Variants in EHBP1L1 observed in about 807,000 individuals in gnomAD.
EHBP1L1 encodes EH domain binding protein 1 like 1, also known as EH domain-binding protein 1-like protein 1.
EHBP1L1 carries 122 observed loss-of-function variants against 151.1 expected under a neutral mutation model. The ratio of observed to expected loss-of-function variants is 0.81; its 90% CI spans 0.70 to 0.94. EHBP1L1 has a LOEUF of 0.94. EHBP1L1 is among the 40% of genes least tolerant of loss of function. The pLI is 0.00. For missense variants in EHBP1L1, 1,941 were observed against 1,959.8 expected (o/e 0.99, Z 0.18); for synonymous variants, 878 against 810.1 (o/e 1.08, Z -1.42).
At position 65,591,773 on chromosome 11, in the gene EHBP1L1, CGCCACCCA is replaced by C; in HGVS notation, c.4284-26_4284-19del. ...CCCTTTTCCTGAACTGCCACCCCCC[CGCCACCCA>C]CCCCCCGCCACCTTCCAGCATGGAG... On this transcript the variant is annotated intron_variant, in intron 16 of 18. Transcript: ENST00000309295. 1 of 1,093,502 alleles carries C rather than the reference CGCCACCCA, an allele frequency of 9.1e-7. No homozygotes were observed. The highest frequency in any genetic ancestry group is 1.4e-6 in the Non-Finnish European group (1 of 734,602). The allele number at this position is 1,093,502 out of a possible 1,614,324, so 67.7% of individuals were successfully genotyped here. A position where few individuals can be genotyped will look rare whatever the true frequency, so the allele number is the denominator to read the frequency against.
chr11:65,584,569 A>G, intron 11 of EHBP1L1, 35 bp downstream of exon 11: 1 of 1,600,424 alleles, frequency 6.2e-7, no homozygotes, highest in South Asian at 1.1e-5. Flanking sequence ...GGAGGGAAGG[A>G]GGGTCTGGAG....
At chr11:65,578,517 T>C (rs1239370722) in intron 1 of EHBP1L1, among the ~76,000 whole-genome samples, 1 of 152,140 alleles carries the variant, frequency 6.6e-6, no homozygotes, top group Non-Finnish European at 1.5e-5. Context: ...TGGAGTTCGC[T>C]TGTTAATTTA....
Position 65,585,281 on chromosome 11 carries a change from C to T in EHBP1L1, c.3623C>T (p.Ala1208Val), listed in dbSNP as rs1857901428. The change falls in exon 12 of 19, where the codon GCC becomes GTC. Residue 1208 changes from alanine (A) to valine (V), a missense_variant. Physicochemically the swap from Ala to Val is moderately conservative, Grantham distance 64 (BLOSUM62 0). Transcript: ENST00000309295. The surrounding 1 kb of genome is among the most constrained non-coding windows in gnomAD (Gnocchi z 4.0). ...DRADGAAPGV[A>V]SRNAVAGRAS... ...GCAGACGGGGCGGCCCCGGGGGTGG[C>T]CTCCAGGAACGCGGTCGCGGGCCGC... is the stretch of plus-strand genomic sequence containing the variant. The T allele has an allele frequency of 3.7e-6, 4 of 1,078,342 alleles. No homozygotes were observed. The highest frequency in any genetic ancestry group is 4.5e-6 in the Non-Finnish European group (4 of 889,564). The allele number at this position is 1,078,342 out of a possible 1,614,324, so 66.8% of individuals were successfully genotyped here.
At position 65,585,210 on chromosome 11, in the gene EHBP1L1, T is replaced by A; in HGVS notation, c.3552T>A (p.Gly1184=). The A allele has an allele frequency of 8.6e-7, 1 of 1,161,948 alleles. No homozygotes were observed. Among genetic ancestry groups the A allele is most frequent in the African/African-American group, 1.7e-5 (1 of 59,668 alleles). 72.0% of individuals were successfully genotyped at this position (1,161,948 alleles called of 1,614,324 possible). The change falls in exon 12 of 19, where the codon GGT becomes GGA. Residue 1184 remains glycine (G), a synonymous_variant. Coordinates refer to ENST00000309295, the MANE Select transcript of EHBP1L1 (RefSeq NM_001099409.3). This position sits in a 1 kb window ranked among gnomAD's most constrained non-coding sequence, Gnocchi z 4.0. ...GAGGCCTGGCGCAGCGGCTGCGCGG[T>A]CACGGGGCCGAGGGGCCCCAGGAGC... ...DAGGLAQRLR[G]HGAEGPQEPK...
chr11:65,585,524 G>A lies in EHBP1L1; in HGVS notation c.3866G>A (p.Arg1289Gln). 6.4e-7 allele frequency: 1 copy of A among 1,572,564 alleles called. No individual in the cohort carries two copies. Among genetic ancestry groups the A allele is most frequent in the Non-Finnish European group, 8.6e-7 (1 of 1,166,656 alleles). The change falls in exon 12 of 19, where the codon CGG (arginine) becomes CAG (glutamine). Residue 1289 changes from arginine to glutamine, a missense_variant. Physicochemically the swap from Arg to Gln is conservative, Grantham distance 43. Coordinates refer to ENST00000309295, the MANE Select transcript of EHBP1L1 (RefSeq NM_001099409.3). The surrounding 1 kb of genome is among the most constrained non-coding windows in gnomAD (Gnocchi z 4.0). ...GACCTGCTCAAGAAGAGGCGCTCGC[G>A]GCTGCGGAACAGCAGCTCGTTCTCG... ...DADLLKKRRS[R>Q]LRNSSSFSMD...
In EHBP1L1 at chr11:65,584,614, G is replaced by A. The variant is rs1857834622; in HGVS notation, c.3300+80G>A. On this transcript the variant is annotated intron_variant, in intron 11 of 18. Transcript: ENST00000309295. ...CTCAGTGTCAGATTTGGAGAAAGTG[G>A]ACTGCCGGGCCCAGCAGTGGCTTCT... 5 of 1,546,936 alleles carry A rather than the reference G, an allele frequency of 3.2e-6. No homozygotes were observed. In the East Asian group the frequency reaches 1.2e-4, roughly 37 times the overall value.
intron 15 of EHBP1L1, 74 bp from the exon 16 acceptor site, chr11:65,590,419 T>TC: frequency 6.4e-7 from 1 of 1,556,508 alleles, no homozygotes; most frequent in Non-Finnish European, 8.7e-7. Context: ...GCAAACCCCC[T>TC]CCCCCAACCC....
intron 8 of EHBP1L1, 32 bp from the exon 9 acceptor site, chr11:65,581,507 C>A: frequency 2.1e-6 from 3 of 1,426,814 alleles, no homozygotes; most frequent in East Asian, 2.5e-5. Context: ...GCCAAAGCAG[C>A]CCCCCAACTC....
In EHBP1L1 at chr11:65,582,926, C is replaced by T. The variant is rs1857705324; in HGVS notation, c.2254C>T (p.Gln752Ter). The change falls in exon 9 of 19, where the codon CAG becomes TAG. Residue 752 changes from glutamine to a stop codon, truncating the protein, a stop_gained. Coordinates refer to ENST00000309295, the MANE Select transcript of EHBP1L1 (RefSeq NM_001099409.3). LOFTEE classifies it high-confidence loss of function. ...AGCAGAGTCTGACATATTGGTAGCC[C>T]AGGAGATAGAGGTGGGACTTTTGGG... ...EIAESDILVAQEIEVGLLGVL... is the reference protein window; with the variant it reads ...EIAESDILVA The T allele has an allele frequency of 6.2e-7, 1 of 1,613,190 alleles. No individual in the cohort carries two copies. The highest frequency in any genetic ancestry group is 1.1e-5 in the South Asian group (1 of 91,064).
intron 11 of EHBP1L1, 130 bp downstream of exon 11, chr11:65,584,664 T>C (rs1001087017): frequency 1.6e-6 from 2 of 1,233,612 alleles, no homozygotes; most frequent in Non-Finnish European, 2.3e-6. Context: ...TTTTTACCCC[T>C]TTGGTCATTA....
At chr11:65,588,844 C>T (rs1858109549) in intron 12 of EHBP1L1, among the ~76,000 whole-genome samples, 1 of 152,232 alleles carries the variant, frequency 6.6e-6, no homozygotes, top group Non-Finnish European at 1.5e-5. Context: ...AGCAGCCGCT[C>T]CTGGGTGTGG....
rs370785618 is a variant in EHBP1L1 at position 65,579,129 on chromosome 11, C to T, written c.156C>T (p.Cys52=). ...GGACCCGTCGGAACCGACGCATCTG[C>T]TCCAAGGTGGGGAAGGATGGCAACT... ...VVWTRRNRRI[C]SKAHSWQPGI... The change falls in exon 2 of 19, where the codon TGC becomes TGT. Residue 52 remains cysteine, a synonymous_variant. Coordinates refer to ENST00000309295, the MANE Select transcript of EHBP1L1 (RefSeq NM_001099409.3). 5.4e-4 allele frequency: 863 copies of T among 1,593,922 alleles called. 2 individuals carry two copies. The highest frequency in any genetic ancestry group is 4.3e-3 in the Middle Eastern group (26 of 6,030).
chr11:65,578,681 C>T (rs778639215), intron 1 of EHBP1L1, among the ~76,000 whole-genome samples: 5 of 152,228 alleles, frequency 3.3e-5, no homozygotes, highest in East Asian at 1.9e-4. Context: ...TTTTATCCCT[C>T]GTCTTTGTCT....
chr11:65,579,803 G>C, intron 3 of EHBP1L1, 133 bp from the exon 4 acceptor site: 1 of 943,774 alleles, frequency 1.1e-6, no homozygotes, highest in Non-Finnish European at 1.6e-6. Flanking sequence ...CTCCAGCCTC[G>C]ACGACAGAGG....
At position 65,581,659 on chromosome 11, in the gene EHBP1L1, G is replaced by A; in HGVS notation, c.987G>A (p.Gly329=). 1 of 1,562,320 alleles carries A rather than the reference G, an allele frequency of 6.4e-7. No homozygotes were observed. The highest frequency in any genetic ancestry group is 2.4e-5 in the East Asian group (1 of 42,006). ...AAGATGAGGTCCCCAAAGCCTCAGG[G>A]GCTCCTCCAGCAGGATTGGGCTCTG... ...QGEDEVPKAS[G]APPAGLGSAR... is the part of the protein sequence containing the mutation. The change falls in exon 9 of 19, where the codon GGG becomes GGA. Residue 329 remains glycine, a synonymous_variant. Transcript: ENST00000309295.
At position 65,576,282 on chromosome 11, in the gene EHBP1L1, G is replaced by C; in HGVS notation, c.-21G>C. 4.5e-6 allele frequency: 7 copies of C among 1,564,822 alleles called. No homozygotes were observed. The highest frequency in any genetic ancestry group is 6.0e-6 in the Non-Finnish European group (7 of 1,158,620). On this transcript the variant is annotated 5_prime_UTR_variant, in exon 1 of 19. Transcript: ENST00000309295. Reference sequence around the variant, plus strand: ...GCGGGAGCCCCGGGCCTGAGAAGTGGGCGGCGGGGTGGCGGGGGCCATGAC... The same window carrying C: ...GCGGGAGCCCCGGGCCTGAGAAGTGCGCGGCGGGGTGGCGGGGGCCATGAC...
At position 65,592,218 on chromosome 11, in the gene EHBP1L1, C is replaced by G; in HGVS notation, c.4488C>G (p.Asp1496Glu). 6.4e-7 allele frequency: 1 copy of G among 1,551,214 alleles called. No homozygotes were observed. Among genetic ancestry groups the G allele is most frequent in the Non-Finnish European group, 8.7e-7 (1 of 1,154,650 alleles). ...DHKERIALEE[D>E]ERLERGLEQR... ...TTCTCCCCAGCGCCCTGGAGGAGGA[C>G]GAGCGCCTGGAGCGCGGCCTGGAAC... Residue 1496 changes from aspartate to glutamate, a missense_variant, in exon 19 of 19, where the codon GAC becomes GAG. By Grantham distance (45) the Asp-to-Glu change is conservative. Coordinates refer to ENST00000309295, the MANE Select transcript of EHBP1L1 (RefSeq NM_001099409.3).
rs1858377921 is a variant in EHBP1L1, at chr11:65,592,322, C to T, written c.*20C>T. ...AGCTGAGGCCGCCGGCCCGGGTGGC[C>T]CATAACTTCTCGCGTCCCCGGCGTC... is the stretch of plus-strand genomic sequence containing the variant. On this transcript the variant is annotated 3_prime_UTR_variant, in exon 19 of 19. Transcript: ENST00000309295. The T allele has an allele frequency of 7.0e-7, 1 of 1,423,612 alleles. No homozygotes were observed. The highest frequency in any genetic ancestry group is 9.1e-7 in the Non-Finnish European group (1 of 1,098,394). The allele number at this position is 1,423,612 out of a possible 1,614,324, so 88.2% of individuals were successfully genotyped here.
chr11:65,581,958 G>T lies in EHBP1L1; in HGVS notation c.1286G>T (p.Arg429Met). ...GTTTGTCAAGTGGATGCTGAGCAGA[G>T]GTCAAAGGTGAGACATGTGGACACT... is the stretch of plus-strand genomic sequence containing the variant. ...SAVCQVDAEQ[R>M]SKVRHVDTKG... The change falls in exon 9 of 19, where the codon AGG becomes ATG. Residue 429 changes from arginine to methionine, a missense_variant. Transcript: ENST00000309295. 1 of 1,613,832 alleles carries T rather than the reference G, an allele frequency of 6.2e-7. No homozygotes were observed. Among genetic ancestry groups the T allele is most frequent in the Non-Finnish European group, 8.5e-7 (1 of 1,179,854 alleles).
Sources: allele counts gnomAD v4.1 joint callset (sites outside exome capture counted in the v4.1 genomes callset), GRCh38; gene constraint gnomAD v4.1.1; non-coding constraint Gnocchi (gnomAD v3.1); transcripts MANE v1.5; gene names NCBI Gene and HGNC (gene_info 2026-07-23, HGNC 2026-07-21).